CDH13: variants seen among roughly 807,000 people sequenced by gnomAD.
CDH13 encodes cadherin 13, also known as cadherin-13.
In CDH13, 24 loss-of-function variants were observed where a neutral mutation model predicts 63.8. That is an observed-to-expected ratio of 0.38 (90% CI 0.27 to 0.53). The LOEUF (loss-of-function observed/expected upper bound fraction) is 0.53. Among genes scored for constraint, CDH13 ranks in the 20% least tolerant of loss-of-function variants. The pLI is 0.85. For synonymous variants in CDH13, 503 were observed against 355.3 expected (o/e 1.42, Z -4.67); for missense variants, 1,049 against 903.1 (o/e 1.16, Z -2.07).
intron 4 of CDH13, among the ~76,000 whole-genome samples, chr16:83,149,322 C>A (rs1432170149): frequency 6.6e-6 from 1 of 152,162 alleles, no homozygotes; most frequent in African/African-American, 2.4e-5. Context: ...GATCAGGAAG[C>A]ATAAGGAAGC....
chr16:83,283,743 T>C (rs1425262964), intron 5 of CDH13, among the ~76,000 whole-genome samples: 3 of 152,204 alleles, frequency 2.0e-5, no homozygotes, highest in African/African-American at 7.2e-5. Flanking sequence ...TATTAAGGTC[T>C]TAGTTTGAGC....
chr16:83,253,079 G>T (rs970667045), intron 5 of CDH13, among the ~76,000 whole-genome samples: 2 of 152,182 alleles, frequency 1.3e-5, no homozygotes, highest in South Asian at 2.1e-4. Flanking sequence ...ATAAATAGTG[G>T]AGATTGTAAC....
intron 2 of CDH13, among the ~76,000 whole-genome samples, chr16:83,002,215 G>C (rs1209504480): frequency 6.6e-6 from 1 of 152,192 alleles, no homozygotes; most frequent in African/African-American, 2.4e-5. Context: ...AGAGGAGCCT[G>C]GATTATCTGG....
intron 6 of CDH13, among the ~76,000 whole-genome samples, chr16:83,395,597 T>G (rs2091872577): frequency 6.6e-6 from 1 of 152,132 alleles, no homozygotes; most frequent in South Asian, 2.1e-4. Context: ...GACATTGAAG[T>G]GTTGAAGTTT....
chr16:83,005,278 T>C (rs1436629948), intron 2 of CDH13, among the ~76,000 whole-genome samples: 1 of 152,154 alleles, frequency 6.6e-6, no homozygotes, highest in Non-Finnish European at 1.5e-5. Context: ...AAAGATTAAG[T>C]TTGGAAAATA....
At chr16:83,199,372 C>G (rs1211210527) in intron 4 of CDH13, among the ~76,000 whole-genome samples, 1 of 152,224 alleles carries the variant, frequency 6.6e-6, no homozygotes, top group Admixed American at 6.5e-5. Context: ...TGGCATCTGA[C>G]CAGCATCTGG....
At chr16:83,080,118 T>C (rs565586165) in intron 3 of CDH13, among the ~76,000 whole-genome samples, 1 of 152,258 alleles carries the variant, frequency 6.6e-6, no homozygotes, top group African/African-American at 2.4e-5. Flanking sequence ...AAGGAGGTTT[T>C]GCCTTTTGCA....
At chr16:83,230,999 C>A (rs1318304361) in intron 5 of CDH13, among the ~76,000 whole-genome samples, 1 of 152,220 alleles carries the variant, frequency 6.6e-6, no homozygotes, top group African/African-American at 2.4e-5. Flanking sequence ...CTCCCTTTGT[C>A]CACATGCCTT....
At chr16:83,032,890 A>T (rs8056545) in intron 3 of CDH13, among the ~76,000 whole-genome samples, 5 of 152,186 alleles carry the variant, frequency 3.3e-5, no homozygotes, top group African/African-American at 1.2e-4. Context: ...TGGTGGATAG[A>T]CCAGAAAAGG....
At chr16:83,418,199 G>T (rs904121698) in intron 6 of CDH13, among the ~76,000 whole-genome samples, 1 of 152,200 alleles carries the variant, frequency 6.6e-6, no homozygotes, top group African/African-American at 2.4e-5. Context: ...TTTGAAAAAT[G>T]GAGGGCGGTC....
chr16:83,296,444 T>A (rs2089599513), intron 5 of CDH13, among the ~76,000 whole-genome samples: 1 of 152,108 alleles, frequency 6.6e-6, no homozygotes, highest in African/African-American at 2.4e-5. Flanking sequence ...TGATAAGTAA[T>A]GAGTATAGTT....
At chr16:82,743,541 T>C (rs1032839516) in intron 1 of CDH13, among the ~76,000 whole-genome samples, 2 of 152,224 alleles carry the variant, frequency 1.3e-5, no homozygotes, top group African/African-American at 2.4e-5. Context: ...TTTGAAGGCA[T>C]AATTTGAAAT....
In CDH13 at chr16:82,704,018, G is replaced by T. The variant is rs142955543; in HGVS notation, c.45+76881G>T. 4.6e-5 allele frequency among the ~76,000 whole-genome samples: 7 copies of T among 152,148 alleles called. No individual in the cohort carries two copies. In the East Asian group the frequency reaches 1.4e-3, roughly 29 times the overall value. ...TTTTCTCCTTTCTGCTTCATCTCCA[G>T]CCCCTCCTTTGCAACAGTACCAAAT... On this transcript the variant is annotated intron_variant, in intron 1 of 13. Transcript: ENST00000567109.
intron 3 of CDH13, among the ~76,000 whole-genome samples, chr16:83,110,443 C>A (rs1238335984): frequency 6.6e-6 from 1 of 152,162 alleles, no homozygotes; most frequent in Non-Finnish European, 1.5e-5. Flanking sequence ...CGGAAGAGCA[C>A]TGGGGAAAGT....
At chr16:83,237,676 C>T (rs768129311) in intron 5 of CDH13, among the ~76,000 whole-genome samples, 25 of 152,202 alleles carry the variant, frequency 1.6e-4, no homozygotes, top group Non-Finnish European at 3.2e-4. Flanking sequence ...TATGTTTTAA[C>T]ACCAATTTTG....
intron 2 of CDH13, among the ~76,000 whole-genome samples, chr16:82,867,565 G>C (rs2040192458): frequency 6.6e-6 from 1 of 152,130 alleles, no homozygotes; most frequent in Non-Finnish European, 1.5e-5. Flanking sequence ...ACTGACCTTG[G>C]TTAGCAGCCA....
intron 1 of CDH13, among the ~76,000 whole-genome samples, chr16:82,669,645 C>G (rs141645961): frequency 1.3e-5 from 2 of 152,304 alleles, no homozygotes; most frequent in African/African-American, 4.8e-5. Context: ...TAAAGCCATC[C>G]CAATTAAGAT....
At chr16:83,790,408 G>A (rs1916180623) in intron 13 of CDH13, among the ~76,000 whole-genome samples, 1 of 151,910 alleles carries the variant, frequency 6.6e-6, no homozygotes, top group African/African-American at 2.4e-5. Flanking sequence ...GTTTTGTTTT[G>A]TTTTGTTTTT....
chr16:82,901,959 C>T (rs992004973), intron 2 of CDH13, among the ~76,000 whole-genome samples: 6 of 152,208 alleles, frequency 3.9e-5, no homozygotes, highest in Non-Finnish European at 8.8e-5. Flanking sequence ...TGTTAGCAAC[C>T]TCACTTTCTC....
Sources: gnomAD v4.1 joint callset for allele counts (sites outside exome capture counted in the v4.1 genomes callset) on GRCh38, gnomAD v4.1.1 for gene constraint, MANE v1.5 for transcripts, NCBI Gene and HGNC (gene_info 2026-07-23, HGNC 2026-07-21) for gene names.